KDM4B: variants seen among roughly 807,000 people sequenced by gnomAD.
KDM4B encodes lysine-specific demethylase 4B.
In KDM4B, 32 loss-of-function variants were observed where a neutral mutation model predicts 125.2. The ratio of observed to expected loss-of-function variants is 0.26; its 90% CI spans 0.19 to 0.34. The LOEUF is 0.34. KDM4B is among the 10% of genes least tolerant of loss of function. The pLI is 1.00. For synonymous variants in KDM4B, 721 were observed against 677.9 expected (o/e 1.06, Z -0.99); for missense variants, 1,190 against 1,577.7 (o/e 0.75, Z 4.16).
intron 16 of KDM4B, 72 bp downstream of exon 16, chr19:5,137,410 TTTGGG>T: frequency 7.0e-7 from 1 of 1,425,110 alleles, no homozygotes; most frequent in Non-Finnish European, 9.6e-7. Context: ...GTGGGGTGAC[TTTGGG>T]GCGTAGTCTC....
intron 5 of KDM4B, among the ~76,000 whole-genome samples, chr19:5,043,390 CGG>C (rs2036893056): frequency 7.0e-6 from 1 of 142,198 alleles, no homozygotes; most frequent in African/African-American, 2.7e-5. Flanking sequence ...TGGTGTTTAT[CGG>C]AGTGGGGGGG....
chr19:5,111,663 A>G, intron 10 of KDM4B: 1 of 715,072 alleles, frequency 1.4e-6, no homozygotes, highest in South Asian at 1.5e-5. Flanking sequence ...AGGAACATTC[A>G]GGGAGCCCCT....
intron 9 of KDM4B, among the ~76,000 whole-genome samples, chr19:5,103,307 G>A (rs1271524766): frequency 6.6e-6 from 1 of 152,222 alleles, no homozygotes; most frequent in Admixed American, 6.5e-5. Context: ...TGAGCCCATC[G>A]ACATTCTGAT....
chr19:5,014,351 G>T (rs1009211604), intron 1 of KDM4B, among the ~76,000 whole-genome samples: 7 of 152,030 alleles, frequency 4.6e-5, no homozygotes, highest in African/African-American at 7.2e-5. Context: ...ATCTCGGCTC[G>T]CTGCAAGCTC....
chr19:5,088,215 C>A (rs2038568940), intron 9 of KDM4B, among the ~76,000 whole-genome samples: 1 of 152,236 alleles, frequency 6.6e-6, no homozygotes, highest in African/African-American at 2.4e-5. Flanking sequence ...TGACCGTCCA[C>A]ACCTGCAGGG....
rs765609030 is a variant in KDM4B at position 5,032,877 on chromosome 19, G to T, written c.-14G>T. On this transcript the variant is annotated 5_prime_UTR_variant, in exon 3 of 23. Coordinates refer to ENST00000159111, the MANE Select transcript of KDM4B (RefSeq NM_015015.3). ...GTCTTCCTCCACAGGTGTGCTTCCC[G>T]CACAGCTGCAGCCATGGGGTCTGAG... is the stretch of plus-strand genomic sequence containing the variant. 12 of 1,613,364 alleles carry T rather than the reference G, an allele frequency of 7.4e-6. No individual in the cohort carries two copies. The highest frequency in any genetic ancestry group is 9.3e-6 in the Non-Finnish European group (11 of 1,179,734).
At chr19:5,126,959 C>A (rs574257269) in intron 11 of KDM4B, among the ~76,000 whole-genome samples, 25 of 152,334 alleles carry the variant, frequency 1.6e-4, no homozygotes, top group African/African-American at 6.0e-4. Flanking sequence ...TTTCTTGCCC[C>A]CTCCACAGGG....
At chr19:5,000,239 A>G (rs1261128733) in intron 1 of KDM4B, among the ~76,000 whole-genome samples, 14 of 91,986 alleles carry the variant, frequency 1.5e-4, no homozygotes, top group Non-Finnish European at 2.7e-4. Flanking sequence ...CCACCTATCC[A>G]TCCACCCACC....
chr19:5,033,074 C>T (rs960891514), intron 3 of KDM4B, 43 bp downstream of exon 3: 20 of 1,598,618 alleles, frequency 1.3e-5, no homozygotes, highest in Non-Finnish European at 1.5e-5. Flanking sequence ...CATCAGCCTG[C>T]GCCGCGGGCC....
chr19:4,969,341 G>A (rs2034160746), intron 1 of KDM4B, 111 bp downstream of exon 1: 1 of 146,364 alleles, frequency 6.8e-6, no homozygotes, highest in East Asian at 2.0e-4. Context: ...CGAGGCCCAG[G>A]CCTCGGGCGC....
At chr19:4,977,729 A>G (rs746452536) in intron 1 of KDM4B, among the ~76,000 whole-genome samples, 1 of 152,138 alleles carries the variant, frequency 6.6e-6, no homozygotes, top group Non-Finnish European at 1.5e-5. Context: ...CCCCTTGATC[A>G]TGGCGGGATG....
rs567936662 is a variant in KDM4B, at chr19:5,047,496, C to T, written c.453C>T (p.Ile151=). 1.6e-5 allele frequency: 26 copies of T among 1,610,652 alleles called. No homozygotes were observed. Among genetic ancestry groups the T allele is most frequent in the Admixed American group, 3.3e-5 (2 of 59,718 alleles). ...CACAGGACGTGGCCCAGTGGAACAT[C>T]GGGAGCCTCCGGACCATCCTGGACA... is the stretch of plus-strand genomic sequence containing the variant. ...LYDDDVAQWN[I]GSLRTILDMV... Residue 151 remains isoleucine, a synonymous_variant, in exon 6 of 23, where the codon ATC becomes ATT. Transcript: ENST00000159111.
intron 6 of KDM4B, among the ~76,000 whole-genome samples, chr19:5,060,459 AAAAAGG>A (rs1568266877): frequency 2.3e-5 from 3 of 129,710 alleles, no homozygotes; most frequent in Admixed American, 2.3e-4. Context: ...AAAAAAAAAA[AAAAAGG>A]GAGCCATGAT....
chr19:5,108,621 G>A (rs998205909), intron 9 of KDM4B, among the ~76,000 whole-genome samples: 2 of 152,226 alleles, frequency 1.3e-5, no homozygotes, highest in Admixed American at 6.5e-5. Flanking sequence ...CAGGGCAAGG[G>A]AATAGTTGCG....
chr19:5,060,712 G>T (rs1248550945), intron 6 of KDM4B, among the ~76,000 whole-genome samples: 2 of 152,178 alleles, frequency 1.3e-5, no homozygotes, highest in African/African-American at 2.4e-5. Flanking sequence ...GAGGGAGGTT[G>T]CTGTGTGTCA....
chr19:5,137,036 C>T (rs879458845), intron 15 of KDM4B, among the ~76,000 whole-genome samples: 4 of 152,232 alleles, frequency 2.6e-5, no homozygotes, highest in Non-Finnish European at 5.9e-5. Context: ...TCTTTCCACA[C>T]AAGTAGCTTC....
At chr19:5,136,376 TC>T (rs1344502025) in intron 15 of KDM4B, among the ~76,000 whole-genome samples, 1 of 152,074 alleles carries the variant, frequency 6.6e-6, no homozygotes, top group African/African-American at 2.4e-5. Flanking sequence ...AATTGGACTT[TC>T]AGGGAAGGAG....
rs769195748 is a variant in KDM4B, at chr19:5,142,799, C to T, written c.2551-1168C>T. ...CAGTTTAATAACGAGATCTCGATGC[C>T]GTCGATCGGCCCTGCTCCAGGCCCT... On this transcript the variant is annotated intron_variant, in intron 18 of 22. Coordinates refer to ENST00000159111, the MANE Select transcript of KDM4B (RefSeq NM_015015.3). The surrounding 1 kb of genome is among the most constrained non-coding windows in gnomAD (Gnocchi z 5.4). Among the ~76,000 whole-genome samples, 19 of 151,780 alleles carry T rather than the reference C, an allele frequency of 1.3e-4. No homozygotes were observed. Among genetic ancestry groups the T allele is most frequent in the Non-Finnish European group, 2.5e-4 (17 of 67,928 alleles).
intron 1 of KDM4B, among the ~76,000 whole-genome samples, chr19:4,976,467 A>G: frequency 6.6e-6 from 1 of 152,202 alleles, no homozygotes; most frequent in Non-Finnish European, 1.5e-5. Flanking sequence ...ACAGCTCACC[A>G]AGCGTCAGAA....
Sources: gnomAD v4.1 joint callset for allele counts (sites outside exome capture counted in the v4.1 genomes callset) on GRCh38, gnomAD v4.1.1 for gene constraint, Gnocchi (gnomAD v3.1) non-coding constraint, MANE v1.5 for transcripts, NCBI Gene and HGNC (gene_info 2026-07-23, HGNC 2026-07-21) for gene names.